HECTD4: variants seen among roughly 807,000 people sequenced by gnomAD.
HECTD4 encodes the protein probable E3 ubiquitin-protein ligase HECTD4.
In HECTD4, 114 loss-of-function variants were observed where a neutral mutation model predicts 471.5. The ratio of observed to expected loss-of-function variants is 0.24; its 90% CI spans 0.21 to 0.28. The LOEUF (loss-of-function observed/expected upper bound fraction) is 0.28. Among genes scored for constraint, HECTD4 ranks in the 10% least tolerant of loss-of-function variants. HECTD4 has a pLI of 1.00. For missense variants in HECTD4, 3,866 were observed against 5,651.5 expected, an observed-to-expected ratio of 0.68 and a Z score of 10.13; for synonymous variants, 2,012 against 2,256.0, an observed-to-expected ratio of 0.89 and a Z score of 3.07.
At chr12:112,212,285 A>T (rs2032786859) in intron 49 of HECTD4, among the ~76,000 whole-genome samples, 1 of 152,208 alleles carries the variant, frequency 6.6e-6, no homozygotes, top group African/African-American at 2.4e-5. Flanking sequence ...TAAGTTCCTG[A>T]TATAGCATTG....
In HECTD4 at chr12:112,268,868, GTTTTTTTTTTTTT is replaced by G. The variant is rs561805261; in HGVS notation, c.2321+823_2321+835del. ...AAATTCTGCTCTCTTGTCTGAAAAG[GTTTTTTTTTTTTT>G]TTTTTTTTTTTGAGGCGGAGTTTCG... On this transcript the variant is annotated intron_variant, in intron 13 of 75. Transcript: ENST00000682272. Among the ~76,000 whole-genome samples, 93 of 65,866 alleles carry G rather than the reference GTTTTTTTTTTTTT, an allele frequency of 1.4e-3. 1 individual carries two copies. Among genetic ancestry groups the G allele is most frequent in the Middle Eastern group, 0.017 (1 of 60 alleles). The allele number at this position is 65,866 out of a possible 152,430, so 43.2% of individuals were successfully genotyped here. A position where few individuals can be genotyped will look rare whatever the true frequency, so the allele number is the denominator to read the frequency against.
At chr12:112,174,123 G>A (rs146440476) in intron 66 of HECTD4, among the ~76,000 whole-genome samples, 159 of 150,610 alleles carry the variant, frequency 1.1e-3, no homozygotes, top group African/African-American at 3.6e-3. Flanking sequence ...GATTACAGGC[G>A]TGCGCCACCA....
chr12:112,251,586 T>C (rs2033889122), intron 23 of HECTD4, among the ~76,000 whole-genome samples: 1 of 152,220 alleles, frequency 6.6e-6, no homozygotes, highest in South Asian at 2.1e-4. Context: ...TCTAGGTGCC[T>C]GAGATACATC....
intron 1 of HECTD4, among the ~76,000 whole-genome samples, chr12:112,376,885 G>C (rs1238744428): frequency 6.6e-6 from 1 of 152,096 alleles, no homozygotes; most frequent in Admixed American, 6.6e-5. Context: ...GGCGGAGGTG[G>C]GCAGATCACC....
At chr12:112,318,164 C>G (rs747610348) in intron 2 of HECTD4, among the ~76,000 whole-genome samples, 1 of 151,624 alleles carries the variant, frequency 6.6e-6, no homozygotes, top group Non-Finnish European at 1.5e-5. Context: ...ACTTGGGAGG[C>G]TGAGGCAGGA....
At chr12:112,252,143 C>T (rs969714227) in intron 23 of HECTD4, among the ~76,000 whole-genome samples, 1 of 152,104 alleles carries the variant, frequency 6.6e-6, no homozygotes, top group Non-Finnish European at 1.5e-5. Context: ...GTCCTCTTTG[C>T]CCTGTGGAAA....
chr12:112,287,761 AAAG>A (rs2034786546), intron 7 of HECTD4, among the ~76,000 whole-genome samples: 2 of 152,084 alleles, frequency 1.3e-5, no homozygotes, highest in African/African-American at 4.8e-5. Context: ...TCTCTAAAAA[AAAG>A]AAAAAAAGAG....
chr12:112,324,177 C>A (rs935271639), intron 1 of HECTD4, among the ~76,000 whole-genome samples: 1 of 146,998 alleles, frequency 6.8e-6, no homozygotes, highest in Admixed American at 7.0e-5. Context: ...TACAGTGGTG[C>A]AATCTTAGCT....
chr12:112,163,090 G>A lies in HECTD4; in HGVS notation c.13072C>T (p.His4358Tyr). The stretch of plus-strand genomic sequence containing the variant: ...ATCTTCATGGGGTACGGGGGCACAT[G>A]GGCAGTGTCGGGACCCCCATCTTTG... The part of the protein sequence containing the change: ...PCKDGGPDTA[H>Y]VPPYPMKIAP... The change falls in exon 75 of 76, where the codon CAT becomes TAT. Residue 4358 changes from histidine to tyrosine, a missense_variant. Physicochemically the swap from His to Tyr is moderately conservative, Grantham distance 83. This residue lies in a region of HECTD4 where 715 missense variants were observed against 1,087.6 expected (regional missense o/e 0.66). Coordinates refer to ENST00000682272, the MANE Select transcript of HECTD4 (RefSeq NM_001388303.1). This position sits in a 1 kb window ranked among gnomAD's most constrained non-coding sequence, Gnocchi z 8.2. The A allele has an allele frequency of 6.2e-7, 1 of 1,613,910 alleles. No individual in the cohort carries two copies. Among genetic ancestry groups the A allele is most frequent in the Non-Finnish European group, 8.5e-7 (1 of 1,179,838 alleles).
intron 23 of HECTD4, among the ~76,000 whole-genome samples, chr12:112,252,116 C>A (rs1314158317): frequency 1.3e-5 from 2 of 152,248 alleles, no homozygotes; most frequent in African/African-American, 4.8e-5. Context: ...GTGCTTATTT[C>A]TATTAAGTTC....
At chr12:112,244,528 C>T (rs2033714066) in intron 29 of HECTD4, among the ~76,000 whole-genome samples, 9 of 152,100 alleles carry the variant, frequency 5.9e-5, no homozygotes, top group Admixed American at 5.9e-4. Flanking sequence ...ACCACCACGC[C>T]CAGGTAACCT....
At chr12:112,311,619 C>CA (rs541436680) in intron 4 of HECTD4, among the ~76,000 whole-genome samples, 2,291 of 46,028 alleles carry the variant, frequency 0.05, 56 homozygotes, top group African/African-American at 0.12. Context: ...GACCCCATCT[C>CA]AAAAAAAAAA....
intron 32 of HECTD4, among the ~76,000 whole-genome samples, chr12:112,242,865 C>T (rs1271634439): frequency 6.6e-5 from 10 of 152,106 alleles, no homozygotes; most frequent in African/African-American, 1.9e-4. Flanking sequence ...GAGCCAAGAT[C>T]GTGCTGCTGC....
intron 62 of HECTD4, among the ~76,000 whole-genome samples, chr12:112,181,009 C>T (rs1239291450): frequency 1.3e-5 from 2 of 151,936 alleles, no homozygotes; most frequent in Admixed American, 1.3e-4. Context: ...CGCTTGTAGT[C>T]CCAGCACTTT....
intron 9 of HECTD4, among the ~76,000 whole-genome samples, chr12:112,277,638 G>A (rs1406254862): frequency 6.6e-6 from 1 of 152,106 alleles, no homozygotes; most frequent in Non-Finnish European, 1.5e-5. Context: ...CTTTCTTCCT[G>A]GAGACCAAGC....
At position 112,162,147 on chromosome 12, in the gene HECTD4, G is replaced by A. The variant is rs2030712912; in HGVS notation, c.*240C>T. The A allele has an allele frequency of 4.1e-6, 2 of 493,470 alleles. No individual in the cohort carries two copies. Among genetic ancestry groups the A allele is most frequent in the Admixed American group, 6.8e-5 (2 of 29,394 alleles). 30.6% of individuals were successfully genotyped at this position (493,470 alleles called of 1,614,324 possible). A position where few individuals can be genotyped will look rare whatever the true frequency, so the allele number is the denominator to read the frequency against. On this transcript the variant is annotated 3_prime_UTR_variant, in exon 76 of 76. Coordinates refer to ENST00000682272, the MANE Select transcript of HECTD4 (RefSeq NM_001388303.1). This position sits in a 1 kb window ranked among gnomAD's most constrained non-coding sequence, Gnocchi z 5.2. ...ATCAAATTAGACACAAACTGTCTGG[G>A]AACTAAACTATCCTACAAATAGACC...
rs1215005762 is a variant in HECTD4, at chr12:112,269,013, T to G, written c.2321+691A>C. On this transcript the variant is annotated intron_variant, in intron 13 of 75. Transcript: ENST00000682272. ...CCTCAGCCTCCCGTGTAGCTGGGAC[T>G]ACAGGAGCGCGCCACCATGCCCGGC... Among the ~76,000 whole-genome samples, 13 of 149,544 alleles carry G rather than the reference T, an allele frequency of 8.7e-5. 1 individual carries two copies. Among genetic ancestry groups the G allele is most frequent in the Admixed American group, 8.7e-4 (13 of 14,992 alleles).
In HECTD4 at chr12:112,162,963, T is replaced by C. The variant is rs772525644; in HGVS notation, c.13120+79A>G. On this transcript the variant is annotated intron_variant, in intron 75 of 75. Transcript: ENST00000682272. The surrounding 1 kb of genome is among the most constrained non-coding windows in gnomAD (Gnocchi z 5.2). ...TCCTGTTCATTGTTCTCCCTTCACA[T>C]GGGGCCTGGCAGCCCCAGTTCCAAA... 5.2e-6 allele frequency: 6 copies of C among 1,162,338 alleles called. No individual in the cohort carries two copies. In the Admixed American group the frequency reaches 8.6e-5, roughly 17 times the overall value. 72.0% of individuals were successfully genotyped at this position (1,162,338 alleles called of 1,614,324 possible). A position where few individuals can be genotyped will look rare whatever the true frequency, so the allele number is the denominator to read the frequency against.
chr12:112,160,940 G>C lies in HECTD4; in HGVS notation c.*1447C>G, dbSNP rs2030666387. The stretch of plus-strand genomic sequence containing the variant: ...TAGGTCGATTTCATCCTTAGGTCAG[G>C]GGATCCTTTCTATAATGGTCCTTGA... On this transcript the variant is annotated 3_prime_UTR_variant, in exon 76 of 76. Coordinates refer to ENST00000682272, the MANE Select transcript of HECTD4 (RefSeq NM_001388303.1). 1 of 152,052 alleles carries C rather than the reference G, an allele frequency of 6.6e-6. No individual in the cohort carries two copies. The highest frequency in any genetic ancestry group is 2.4e-5 in the African/African-American group (1 of 41,396). The allele number at this position is 152,052 out of a possible 1,614,324, so 9.4% of individuals were successfully genotyped here.
Sources: gnomAD v4.1 joint callset for allele counts (sites outside exome capture counted in the v4.1 genomes callset) on GRCh38, gnomAD v4.1.1 for gene constraint, gnomAD v4.1.1 regional missense constraint, Gnocchi (gnomAD v3.1) non-coding constraint, MANE v1.5 for transcripts, NCBI Gene and HGNC (gene_info 2026-07-23, HGNC 2026-07-21) for gene names.